The following INTS3 variants were observed in gnomAD, a reference collection of about 807,000 sequenced individuals.
INTS3 encodes the protein integrator complex subunit 3.
INTS3 carries 34 observed loss-of-function variants against 146.3 expected under a neutral mutation model. The observed-to-expected ratio is 0.23, with a 90% CI of 0.18 to 0.31. INTS3 has a LOEUF of 0.31. Ranked by LOEUF, INTS3 falls within the 10% of genes least tolerant of loss-of-function variation. The pLI is 1.00. For missense variants in INTS3, 757 were observed against 1,304.2 expected (o/e 0.58, Z 6.46); for synonymous variants, 475 against 494.9 (o/e 0.96, Z 0.53).
chr1:153,759,972 C>G (rs1672311530), intron 11 of INTS3: 1 of 489,134 alleles, frequency 2.0e-6, no homozygotes, highest in African/African-American at 1.9e-5. Context: ...GTTTCGGGGC[C>G]TGTCTGCTCT....
At chr1:153,771,217 C>G (rs574951686) in intron 25 of INTS3, among the ~76,000 whole-genome samples, 39 of 152,320 alleles carry the variant, frequency 2.6e-4, no homozygotes, top group African/African-American at 9.4e-4. Context: ...CCCCCTCTTC[C>G]CGCAAAGCCC....
In INTS3 at chr1:153,748,891, G is replaced by A. The variant is rs1017155355; in HGVS notation, c.584+136G>A. 4.0e-6 allele frequency: 3 copies of A among 745,198 alleles called. No homozygotes were observed. In the African/African-American group the frequency reaches 5.2e-5, roughly 13 times the overall value. 46.2% of individuals were successfully genotyped at this position (745,198 alleles called of 1,614,324 possible). The stretch of plus-strand genomic sequence containing the variant: ...AGAGGGGGAGGCAAGGAGAGGGAGA[G>A]ACAAGTGTATTGTTGGCAAGTGAAG... On this transcript the variant is annotated intron_variant, in intron 6 of 29. Coordinates refer to ENST00000318967, the MANE Select transcript of INTS3 (RefSeq NM_023015.5).
chr1:153,765,986 A>G (rs541896429), intron 20 of INTS3, among the ~76,000 whole-genome samples: 2 of 151,934 alleles, frequency 1.3e-5, no homozygotes, highest in South Asian at 4.1e-4. Context: ...TCACTTTGCC[A>G]TTTTCTCCCC....
rs1570821724 is a variant in INTS3 at position 153,728,258 on chromosome 1, C to T, written c.-377C>T. On this transcript the variant is annotated 5_prime_UTR_variant, in exon 1 of 30. The change creates a new upstream start codon in the 5' untranslated region. Transcript: ENST00000318967. The stretch of plus-strand genomic sequence containing the variant: ...GGGCAGGACTCCTCTTTTCCCCCCA[C>T]GGGGAAAAGAGGCAGAAACTTAGGG... The T allele has an allele frequency of 2.6e-6, 1 of 389,004 alleles. No homozygotes were observed. Among genetic ancestry groups the T allele is most frequent in the Middle Eastern group, 6.4e-4 (1 of 1,558 alleles). The allele number at this position is 389,004 out of a possible 1,614,324, so 24.1% of individuals were successfully genotyped here.
chr1:153,733,030 T>G (rs2101773512), intron 1 of INTS3, among the ~76,000 whole-genome samples: 1 of 150,622 alleles, frequency 6.6e-6, no homozygotes, highest in East Asian at 2.0e-4. Context: ...GGTCTTGAAC[T>G]CCTGACCTCG....
intron 8 of INTS3, among the ~76,000 whole-genome samples, chr1:153,753,100 G>A (rs1672023645): frequency 6.6e-6 from 1 of 151,852 alleles, no homozygotes; most frequent in Admixed American, 6.6e-5. Flanking sequence ...CCAGGACCTG[G>A]GAAGTCAGGA....
chr1:153,762,344 T>C (rs1672413160), intron 14 of INTS3, among the ~76,000 whole-genome samples: 1 of 152,180 alleles, frequency 6.6e-6, no homozygotes. Flanking sequence ...CTCAGAAGGC[T>C]GAGACATGAG....
chr1:153,750,688 C>T (rs549610089), intron 6 of INTS3, among the ~76,000 whole-genome samples: 1 of 152,310 alleles, frequency 6.6e-6, no homozygotes, highest in East Asian at 1.9e-4. Context: ...CCCAGCTTTT[C>T]CCCATAGTCT....
chr1:153,767,969 TC>T (rs1672662261), intron 21 of INTS3, 142 bp downstream of exon 21: 1 of 691,326 alleles, frequency 1.4e-6, no homozygotes, highest in Non-Finnish European at 2.3e-6. Flanking sequence ...CTCACAGCTG[TC>T]CCCTCCTTCC....
chr1:153,729,827 T>G (rs1340530659), intron 1 of INTS3, among the ~76,000 whole-genome samples: 1 of 142,806 alleles, frequency 7.0e-6, no homozygotes. Context: ...ATTGCGCCAC[T>G]GCACTCCAGC....
At chr1:153,739,907 G>T (rs61803567) in intron 1 of INTS3, among the ~76,000 whole-genome samples, 13,367 of 151,142 alleles carry the variant, frequency 0.088, 756 homozygotes, top group Middle Eastern at 0.21. Flanking sequence ...CAATTCTCCT[G>T]CCTCAGTCTC....
Position 153,759,551 on chromosome 1 carries a change from A to G in INTS3, c.1175A>G (p.Lys392Arg). Residue 392 changes from lysine to arginine, a missense_variant, in exon 11 of 30, where the codon AAG becomes AGG. Transcript: ENST00000318967. The stretch of plus-strand genomic sequence containing the variant: ...TCAAATGTCGCTGCCTCCAATGCCA[A>G]GCTGGCTTTGTTTTATGACTGGCTG... ...CTSNVAASNA[K>R]LALFYDWLFF... 6.2e-7 allele frequency: 1 copy of G among 1,613,858 alleles called. No homozygotes were observed. Among genetic ancestry groups the G allele is most frequent in the Non-Finnish European group, 8.5e-7 (1 of 1,179,802 alleles).
rs777963487 is a variant in INTS3, at chr1:153,772,961, G to A, written c.2931G>A (p.Glu977=). Residue 977 remains glutamate (E), a synonymous_variant, in exon 29 of 30, where the codon GAG becomes GAA. Coordinates refer to ENST00000318967, the MANE Select transcript of INTS3 (RefSeq NM_023015.5). The surrounding 1 kb of genome is among the most constrained non-coding windows in gnomAD (Gnocchi z 4.6). ...TCTTCTCCCTGGCGGAGGAATATGA[G>A]GACTCTTCCACCAAGCCACCCAAGA... ...SDLFSLAEEY[E]DSSTKPPKSR... is the part of the protein sequence containing the mutation. 16 of 1,613,988 alleles carry A rather than the reference G, an allele frequency of 9.9e-6. No homozygotes were observed. The East Asian group carries it at 3.6e-4, about 36-fold the overall frequency.
Position 153,774,656 on chromosome 1 carries a change from C to G in INTS3, c.*1386C>G. 5.8e-6 allele frequency: 1 copy of G among 173,502 alleles called. No homozygotes were observed. The highest frequency in any genetic ancestry group is 1.1e-4 in the South Asian group (1 of 8,706). The allele number at this position is 173,502 out of a possible 1,614,324, so 10.7% of individuals were successfully genotyped here. On this transcript the variant is annotated 3_prime_UTR_variant, in exon 30 of 30. Coordinates refer to ENST00000318967, the MANE Select transcript of INTS3 (RefSeq NM_023015.5). ...ACTGCACAGAGCTGCTCCTCTTCAC[C>G]CCGAAAATTTGTCTTTTTACAGAAT...
At chr1:153,736,845 G>A (rs1419051504) in intron 1 of INTS3, among the ~76,000 whole-genome samples, 1 of 140,136 alleles carries the variant, frequency 7.1e-6, no homozygotes, top group East Asian at 2.1e-4. Flanking sequence ...CTCACTGCAA[G>A]CTTCGCCGAC....
At chr1:153,769,444 C>T (rs1672727750) in intron 22 of INTS3, among the ~76,000 whole-genome samples, 1 of 152,092 alleles carries the variant, frequency 6.6e-6, no homozygotes, top group South Asian at 2.1e-4. Context: ...AAGAATCCTC[C>T]TTCCTTTGTC....
chr1:153,767,911 C>T (rs750183702), intron 21 of INTS3, 84 bp downstream of exon 21: 9 of 1,372,970 alleles, frequency 6.6e-6, no homozygotes, highest in Non-Finnish European at 7.7e-6. Flanking sequence ...AACCCTGAAC[C>T]CTCTTTTGTT....
intron 24 of INTS3, 88 bp downstream of exon 24, chr1:153,770,399 G>A: frequency 2.3e-6 from 2 of 886,942 alleles, no homozygotes; most frequent in Non-Finnish European, 3.8e-6. Flanking sequence ...CTTCTAGGAT[G>A]AGCCCAGATC....
rs767010254 is a variant in INTS3 at position 153,728,711 on chromosome 1, C to T, written c.77C>T (p.Ala26Val). Reference sequence around the variant, plus strand: ...GCAGCGGGAGGTGGAGGAGGAGGAGCGGGAGCAGGAGCCCCAGGAGGGGGG... The same window carrying T: ...GCAGCGGGAGGTGGAGGAGGAGGAGTGGGAGCAGGAGCCCCAGGAGGGGGG... ...SGAAGGGGGG[A>V]GAGAPGGGRL... The change falls in exon 1 of 30, where the codon GCG becomes GTG. Residue 26 changes from alanine (A) to valine (V), a missense_variant. Ala to Val is a moderately conservative substitution (Grantham distance 64). Coordinates refer to ENST00000318967, the MANE Select transcript of INTS3 (RefSeq NM_023015.5). 1.2e-6 allele frequency: 2 copies of T among 1,607,394 alleles called. No homozygotes were observed. Among genetic ancestry groups the T allele is most frequent in the Non-Finnish European group, 1.7e-6 (2 of 1,176,642 alleles).
Sources: allele counts gnomAD v4.1 joint callset (sites outside exome capture counted in the v4.1 genomes callset), GRCh38; gene constraint gnomAD v4.1.1; non-coding constraint Gnocchi (gnomAD v3.1); transcripts MANE v1.5; gene names NCBI Gene and HGNC (gene_info 2026-07-23, HGNC 2026-07-21).